The following DCDC1 variants were observed in gnomAD, a reference collection of about 807,000 sequenced individuals.
DCDC1 encodes doublecortin domain containing 1.
A neutral mutation model predicts 178.3 loss-of-function variants in DCDC1; 200 were observed. The observed-to-expected ratio is 1.12, with a 90% CI of 1.00 to 1.26. DCDC1 has a LOEUF of 1.26. Among genes scored for constraint, DCDC1 ranks in the 50% most tolerant of loss-of-function variants. DCDC1 has a pLI of 0.00. For synonymous variants in DCDC1, 690 were observed against 604.8 expected (o/e 1.14, Z -2.07); for missense variants, 1,983 against 1,749.2 (o/e 1.13, Z -2.38).
At chr11:31,342,979 G>A (rs1950623222) in intron 1 of DCDC1, among the ~76,000 whole-genome samples, 1 of 152,096 alleles carries the variant, frequency 6.6e-6, no homozygotes. Context: ...TAGTTCAGGA[G>A]TCAAAGCTGG....
At chr11:30,915,407 C>T (rs1033804687) in intron 27 of DCDC1, 104 bp downstream of exon 27, 1 of 1,236,698 alleles carries the variant, frequency 8.1e-7, no homozygotes, top group African/African-American at 1.5e-5. Context: ...ATAGAAGACC[C>T]AGAATTCTCA....
At chr11:31,125,947 T>C (rs1397578290) in intron 11 of DCDC1, among the ~76,000 whole-genome samples, 1 of 151,594 alleles carries the variant, frequency 6.6e-6, no homozygotes, top group Non-Finnish European at 1.5e-5. Flanking sequence ...TAAAATAAAA[T>C]GCAAAAAAGG....
intron 29 of DCDC1, 76 bp downstream of exon 29, chr11:30,908,870 A>G (rs1237457600): frequency 7.2e-7 from 1 of 1,387,264 alleles, no homozygotes; most frequent in African/African-American, 1.5e-5. Context: ...TCTAGGGAAA[A>G]AAATTTTCTC....
At chr11:31,210,881 T>C (rs926672554) in intron 9 of DCDC1, among the ~76,000 whole-genome samples, 3 of 152,182 alleles carry the variant, frequency 2.0e-5, no homozygotes, top group Non-Finnish European at 2.9e-5. Context: ...CTTACTCACA[T>C]TCACACGGTA....
chr11:31,041,454 A>C (rs1000487736), intron 20 of DCDC1, among the ~76,000 whole-genome samples: 2 of 152,210 alleles, frequency 1.3e-5, no homozygotes, highest in African/African-American at 4.8e-5. Flanking sequence ...CCTTATAAAC[A>C]TTGATTTACT....
At chr11:30,943,287 T>C (rs1947788505) in intron 21 of DCDC1, 1 of 153,808 alleles carries the variant, frequency 6.5e-6, no homozygotes, top group Non-Finnish European at 1.4e-5. Context: ...GCTATATTAG[T>C]CCTCTTTTAT....
In DCDC1 at chr11:31,307,815, T is replaced by G. The variant is rs972508738; in HGVS notation, c.258A>C (p.Ala86=). 6.2e-7 allele frequency: 1 copy of G among 1,614,182 alleles called. No individual in the cohort carries two copies. The highest frequency in any genetic ancestry group is 8.5e-7 in the Non-Finnish European group (1 of 1,180,008). ...QFGPNRLVHS[A]AVSEGSGLQD... ...GAAGTCCTGACCCTTCTGATACTGC[T>G]GCTGAATGCACGAGTCTGTTGGGGC... Residue 86 remains alanine, a synonymous_variant, in exon 4 of 39, where the codon GCA becomes GCC. Coordinates refer to ENST00000684477, the MANE Select transcript of DCDC1 (RefSeq NM_001387274.1).
intron 21 of DCDC1, among the ~76,000 whole-genome samples, chr11:30,932,270 A>G (rs547469935): frequency 8.5e-5 from 13 of 152,314 alleles, no homozygotes; most frequent in Non-Finnish European, 1.6e-4. Flanking sequence ...AAATATCTTT[A>G]ATCAGTGTGA....
chr11:31,075,238 C>G (rs1277566933), intron 18 of DCDC1, among the ~76,000 whole-genome samples: 1 of 152,144 alleles, frequency 6.6e-6, no homozygotes, highest in Non-Finnish European at 1.5e-5. Flanking sequence ...TTCTTTTTAA[C>G]AGCTGAATAA....
intron 15 of DCDC1, among the ~76,000 whole-genome samples, chr11:31,095,362 ACT>A (rs1958084299): frequency 6.6e-6 from 1 of 152,160 alleles, no homozygotes; most frequent in Non-Finnish European, 1.5e-5. Context: ...GAATCGCCAC[ACT>A]GTCTTCCACA....
intron 36 of DCDC1, among the ~76,000 whole-genome samples, chr11:30,887,724 G>A (rs1310217813): frequency 1.3e-5 from 2 of 152,034 alleles, no homozygotes; most frequent in African/African-American, 4.8e-5. Flanking sequence ...GAAAAGTATT[G>A]TTTGGCCAGG....
chr11:30,910,057 CAA>C (rs1341572492), intron 28 of DCDC1, among the ~76,000 whole-genome samples: 1 of 152,050 alleles, frequency 6.6e-6, no homozygotes, highest in Non-Finnish European at 1.5e-5. Flanking sequence ...TCTGAAAAAC[CAA>C]AGACTATATT....
intron 11 of DCDC1, among the ~76,000 whole-genome samples, 180 bp downstream of exon 11, chr11:31,127,289 G>A (rs1961778542): frequency 6.6e-6 from 1 of 152,076 alleles, no homozygotes. Context: ...AAGATCTCTA[G>A]GTATTTTCTT....
intron 9 of DCDC1, among the ~76,000 whole-genome samples, chr11:31,140,395 ATCTT>A (rs1195489528): frequency 6.6e-6 from 1 of 152,196 alleles, no homozygotes; most frequent in African/African-American, 2.4e-5. Context: ...TTCTAAATAT[ATCTT>A]GTCCCTTTTA....
At chr11:31,278,145 C>A (rs946488061) in intron 7 of DCDC1, among the ~76,000 whole-genome samples, 10 of 152,090 alleles carry the variant, frequency 6.6e-5, no homozygotes, top group Admixed American at 2.6e-4. Flanking sequence ...AAAACACTGT[C>A]TTTTCCCCCA....
chr11:31,266,588 C>T (rs570983199), intron 7 of DCDC1, among the ~76,000 whole-genome samples: 2 of 152,214 alleles, frequency 1.3e-5, no homozygotes, highest in African/African-American at 4.8e-5. Flanking sequence ...TATTACTTTC[C>T]CATAACCAAG....
intron 1 of DCDC1, among the ~76,000 whole-genome samples, chr11:31,369,123 C>A (rs1359617326): frequency 1.3e-5 from 2 of 152,086 alleles, no homozygotes; most frequent in East Asian, 3.9e-4. Context: ...TCTGCCCCTA[C>A]CCAACTAGCT....
At position 31,329,970 on chromosome 11, in the gene DCDC1, G is replaced by A. The variant is rs142961041; in HGVS notation, c.-6-1684C>T. 4.1e-3 allele frequency among the ~76,000 whole-genome samples: 623 copies of A among 152,268 alleles called. 2 individuals are homozygous for A. The highest frequency in any genetic ancestry group is 0.014 in the African/African-American group (602 of 41,546). On this transcript the variant is annotated intron_variant, in intron 2 of 38. Transcript: ENST00000684477. The stretch of plus-strand genomic sequence containing the variant: ...TCTAGTTCTAGATCCTTGAGGAGTC[G>A]CCACACTGTCCTCCACAATGGTTGA...
At chr11:31,262,943 A>G in intron 8 of DCDC1, 1 of 1,185,256 alleles carries the variant, frequency 8.4e-7, no homozygotes, top group Non-Finnish European at 1.2e-6. Context: ...TTTTATAAGG[A>G]TGCAAAAACA....
Sources: allele counts gnomAD v4.1 joint callset (sites outside exome capture counted in the v4.1 genomes callset), GRCh38; gene constraint gnomAD v4.1.1; transcripts MANE v1.5; gene names NCBI Gene and HGNC (gene_info 2026-07-23, HGNC 2026-07-21).